The following PRKG1 variants were observed in gnomAD, a reference collection of about 807,000 sequenced individuals.
PRKG1 encodes protein kinase cGMP-dependent 1, also known as cGMP-dependent protein kinase 1.
A neutral mutation model predicts 88.1 loss-of-function variants in PRKG1; 35 were observed. That is an observed-to-expected ratio of 0.40 (90% CI 0.30 to 0.53). The LOEUF (loss-of-function observed/expected upper bound fraction) is 0.53, where lower values mean the gene tolerates loss of function less well. Ranked by LOEUF, PRKG1 falls within the 20% of genes least tolerant of loss-of-function variation. PRKG1 has a pLI of 0.59. For synonymous variants in PRKG1, 303 were observed against 292.5 expected (o/e 1.04, Z -0.37); for missense variants, 540 against 839.8 (o/e 0.64, Z 4.41).
At chr10:51,170,893 A>G (rs9414847) in intron 2 of PRKG1, among the ~76,000 whole-genome samples, 9,982 of 152,148 alleles carry the variant, frequency 0.066, 688 homozygotes, top group African/African-American at 0.17. Flanking sequence ...GGATTTGAGC[A>G]AAAGAGCACC....
chr10:51,379,185 T>G (rs1235802790), intron 2 of PRKG1, among the ~76,000 whole-genome samples: 1 of 152,188 alleles, frequency 6.6e-6, no homozygotes, highest in Non-Finnish European at 1.5e-5. Context: ...CCACATACCT[T>G]GTATCAGTTA....
intron 3 of PRKG1, among the ~76,000 whole-genome samples, chr10:51,592,362 T>C (rs1181119720): frequency 1.3e-5 from 2 of 152,154 alleles, no homozygotes; most frequent in African/African-American, 4.8e-5. Flanking sequence ...CTACTAGGAT[T>C]CTACTTGTTT....
chr10:51,709,270 A>G (rs1200595247), intron 3 of PRKG1, among the ~76,000 whole-genome samples: 2 of 152,220 alleles, frequency 1.3e-5, no homozygotes, highest in African/African-American at 2.4e-5. Flanking sequence ...AGGTGAATAC[A>G]CTGTACTTTT....
rs186569901 is a variant in PRKG1 at position 51,220,259 on chromosome 10, C to T, written c.478+66929C>T. Among the ~76,000 whole-genome samples the T allele has an allele frequency of 5.0e-4, 76 of 152,236 alleles. 1 individual carries two copies. The East Asian group carries it at 0.014, about 27-fold the overall frequency. On this transcript the variant is annotated intron_variant, in intron 2 of 17. Coordinates refer to ENST00000373980, the MANE Select transcript of PRKG1 (RefSeq NM_006258.4). The stretch of plus-strand genomic sequence containing the variant: ...AAATTCTGTCAACAGCCTGAAAGAG[C>T]TTAGAAGTGGATTATTCATCAGAGA...
At chr10:52,063,255 C>A (rs1357988561) in intron 7 of PRKG1, among the ~76,000 whole-genome samples, 1 of 152,228 alleles carries the variant, frequency 6.6e-6, no homozygotes, top group Non-Finnish European at 1.5e-5. Context: ...GGCAAACAAA[C>A]TGGCTGCTGC....
intron 3 of PRKG1, among the ~76,000 whole-genome samples, chr10:51,587,294 T>C (rs2132199672): frequency 6.6e-6 from 1 of 152,280 alleles, no homozygotes; most frequent in South Asian, 2.1e-4. Context: ...AGGGAATTTT[T>C]CCTAAAGCGA....
chr10:51,065,367 G>GA (rs2132788897), intron 1 of PRKG1, among the ~76,000 whole-genome samples: 1 of 151,796 alleles, frequency 6.6e-6, no homozygotes, highest in African/African-American at 2.4e-5. Context: ...TGAGAGAGTT[G>GA]AAAAAAGTAG....
chr10:51,445,454 A>G (rs1345143560), intron 2 of PRKG1, among the ~76,000 whole-genome samples: 9 of 152,062 alleles, frequency 5.9e-5, no homozygotes, highest in Non-Finnish European at 1.2e-4. Context: ...TTATTACATT[A>G]TCAAGGAAAC....
chr10:51,886,618 A>G (rs1284378770), intron 4 of PRKG1, among the ~76,000 whole-genome samples: 2 of 152,216 alleles, frequency 1.3e-5, no homozygotes, highest in Admixed American at 6.5e-5. Context: ...GATGACTCAT[A>G]TAAGTGGAAT....
At chr10:51,456,720 C>T in intron 2 of PRKG1, among the ~76,000 whole-genome samples, 1 of 152,040 alleles carries the variant, frequency 6.6e-6, no homozygotes, top group Non-Finnish European at 1.5e-5. Context: ...CCAGAATCTA[C>T]AAGGAATTCA....
chr10:51,421,873 T>G (rs189543983), intron 2 of PRKG1, among the ~76,000 whole-genome samples: 1 of 152,318 alleles, frequency 6.6e-6, no homozygotes, highest in African/African-American at 2.4e-5. Context: ...TGCTACTTAC[T>G]GCTATATTGA....
chr10:52,166,849 G>GTATATATATATATA (rs1564498614), intron 9 of PRKG1, among the ~76,000 whole-genome samples: 4 of 49,198 alleles, frequency 8.1e-5, no homozygotes, highest in Middle Eastern at 0.01. Flanking sequence ...GTATATATAT[G>GTATATATATATATA]TCTATATATA....
chr10:52,061,646 A>C (rs1475816365), intron 6 of PRKG1, among the ~76,000 whole-genome samples: 1 of 152,154 alleles, frequency 6.6e-6, no homozygotes, highest in Non-Finnish European at 1.5e-5. Flanking sequence ...AACAATTTAC[A>C]ACTATTTATT....
chr10:51,290,600 T>G (rs1263686519), intron 2 of PRKG1, among the ~76,000 whole-genome samples: 1 of 152,192 alleles, frequency 6.6e-6, no homozygotes, highest in African/African-American at 2.4e-5. Flanking sequence ...GAATTGGAGT[T>G]TCTCTTATTC....
intron 3 of PRKG1, among the ~76,000 whole-genome samples, chr10:51,628,027 T>A (rs866823718): frequency 1.7e-5 from 2 of 120,330 alleles, no homozygotes; most frequent in African/African-American, 2.8e-5. Flanking sequence ...TCTTTCTTTC[T>A]TTCTTTCTTT....
chr10:51,953,091 A>G (rs186052909), intron 5 of PRKG1, among the ~76,000 whole-genome samples: 1 of 152,302 alleles, frequency 6.6e-6, no homozygotes, highest in East Asian at 1.9e-4. Flanking sequence ...AAAATTTGTT[A>G]GCAATCAAGA....
intron 1 of PRKG1, among the ~76,000 whole-genome samples, chr10:50,992,060 C>G (rs761752253): frequency 2.4e-4 from 37 of 151,906 alleles, no homozygotes; most frequent in Admixed American, 7.9e-4. Flanking sequence ...GCGGCGACCC[C>G]CCGGACTCAG....
intron 1 of PRKG1, among the ~76,000 whole-genome samples, chr10:51,011,462 A>T (rs1346728901): frequency 6.6e-6 from 1 of 152,124 alleles, no homozygotes; most frequent in African/African-American, 2.4e-5. Flanking sequence ...TAATGGAAAA[A>T]TTTTCCCTAG....
intron 4 of PRKG1, among the ~76,000 whole-genome samples, chr10:51,859,402 T>G (rs1433433391): frequency 1.6e-4 from 25 of 151,632 alleles, no homozygotes; most frequent in Admixed American, 1.6e-3. Flanking sequence ...TTTATGTTTT[T>G]AGTCTGCAAC....
Sources: gnomAD v4.1 joint callset for allele counts (sites outside exome capture counted in the v4.1 genomes callset) on GRCh38, gnomAD v4.1.1 for gene constraint, MANE v1.5 for transcripts, NCBI Gene and HGNC (gene_info 2026-07-23, HGNC 2026-07-21) for gene names.